The following CPA6 variants were observed in gnomAD, a reference collection of about 807,000 sequenced individuals.
CPA6 encodes carboxypeptidase B.
A neutral mutation model predicts 63.3 loss-of-function variants in CPA6; 58 were observed. The ratio of observed to expected loss-of-function variants is 0.92; its 90% CI spans 0.74 to 1.14. The LOEUF (loss-of-function observed/expected upper bound fraction) is 1.14. Among genes scored for constraint, CPA6 ranks in the 50% most tolerant of loss-of-function variants. The probability of loss-of-function intolerance (pLI) is 0.00; values close to 1 mark genes in which losing one functional copy is unlikely to be tolerated. For missense variants in CPA6, 565 were observed against 526.6 expected (o/e 1.07, Z -0.71); for synonymous variants, 185 against 179.0 (o/e 1.03, Z -0.27).
intron 2 of CPA6, among the ~76,000 whole-genome samples, chr8:67,580,931 A>G (rs1813754843): frequency 6.6e-6 from 1 of 152,176 alleles, no homozygotes; most frequent in African/African-American, 2.4e-5. Flanking sequence ...AGTAAGAACC[A>G]GATGCCAGGT....
chr8:67,734,045 ATT>A (rs60763583), intron 1 of CPA6, among the ~76,000 whole-genome samples: 20 of 147,428 alleles, frequency 1.4e-4, no homozygotes, highest in South Asian at 4.3e-4. Flanking sequence ...AGCAAACTTA[ATT>A]TTTTTTTTTT....
chr8:67,628,079 G>A (rs1472421107), intron 1 of CPA6, among the ~76,000 whole-genome samples: 2 of 152,068 alleles, frequency 1.3e-5, no homozygotes, highest in South Asian at 2.1e-4. Flanking sequence ...TGGGGGTGGT[G>A]GTGTGTGCCT....
intron 1 of CPA6, among the ~76,000 whole-genome samples, chr8:67,693,955 T>C (rs1816862765): frequency 6.6e-6 from 1 of 152,198 alleles, no homozygotes; most frequent in African/African-American, 2.4e-5. Context: ...GTGGAGCAGG[T>C]CAAGGTATCT....
At chr8:67,610,350 G>A (rs1291918184) in intron 2 of CPA6, among the ~76,000 whole-genome samples, 1 of 151,776 alleles carries the variant, frequency 6.6e-6, no homozygotes, top group Non-Finnish European at 1.5e-5. Flanking sequence ...TCCAGCTTGG[G>A]TGACAGGCCG....
chr8:67,571,110 A>T (rs913313355), intron 2 of CPA6, among the ~76,000 whole-genome samples: 2 of 152,224 alleles, frequency 1.3e-5, no homozygotes, highest in South Asian at 4.1e-4. Flanking sequence ...AGAAAGAATG[A>T]CATTCTATAA....
intron 1 of CPA6, among the ~76,000 whole-genome samples, chr8:67,736,565 ACT>A (rs1445233526): frequency 1.3e-5 from 2 of 151,428 alleles, no homozygotes; most frequent in African/African-American, 4.9e-5. Flanking sequence ...TGTGTTTCTT[ACT>A]CTGTTTCTAG....
intron 2 of CPA6, among the ~76,000 whole-genome samples, chr8:67,580,292 T>C (rs185083406): frequency 5.1e-4 from 78 of 152,318 alleles, no homozygotes; most frequent in African/African-American, 1.8e-3. Context: ...GAGGAAGTGG[T>C]ACGAGAGGGT....
chr8:67,497,763 C>T (rs1339016801), intron 6 of CPA6, among the ~76,000 whole-genome samples: 6 of 150,966 alleles, frequency 4.0e-5, no homozygotes. Flanking sequence ...GTGATCTCGG[C>T]TCACTGCAAC....
intron 2 of CPA6, among the ~76,000 whole-genome samples, chr8:67,589,084 C>T (rs1360241522): frequency 1.3e-5 from 2 of 151,070 alleles, no homozygotes; most frequent in Middle Eastern, 3.2e-3. Flanking sequence ...CACCACTGCA[C>T]TCCGGCATGG....
intron 9 of CPA6, among the ~76,000 whole-genome samples, chr8:67,432,671 G>T (rs1297630128): frequency 6.6e-6 from 1 of 152,108 alleles, no homozygotes; most frequent in Non-Finnish European, 1.5e-5. Context: ...ACCATGTTGT[G>T]CAGGCTGGTC....
chr8:67,482,151 C>T (rs1261568894), intron 8 of CPA6, among the ~76,000 whole-genome samples: 1 of 152,226 alleles, frequency 6.6e-6, no homozygotes, highest in African/African-American at 2.4e-5. Context: ...CAAGACCTTA[C>T]TTGCACCTGA....
In CPA6 at chr8:67,655,091, T is replaced by C. The variant is rs116794526; in HGVS notation, c.117-30840A>G. Reference sequence around the variant, plus strand: ...AGAGAATTATTTAATCTCTCAGACATGTAAAATGGTCTGGAGTGTTTCAAC... The same window carrying C: ...AGAGAATTATTTAATCTCTCAGACACGTAAAATGGTCTGGAGTGTTTCAAC... On this transcript the variant is annotated intron_variant, in intron 1 of 10. Coordinates refer to ENST00000297770, the MANE Select transcript of CPA6 (RefSeq NM_020361.5). Among the ~76,000 whole-genome samples the C allele has an allele frequency of 7.2e-3, 1,090 of 152,304 alleles. 11 individuals are homozygous for C. Among genetic ancestry groups the C allele is most frequent in the African/African-American group, 0.025 (1,029 of 41,574 alleles).
intron 1 of CPA6, among the ~76,000 whole-genome samples, chr8:67,729,699 G>A (rs867154144): frequency 3.3e-5 from 5 of 152,174 alleles, no homozygotes; most frequent in South Asian, 2.1e-4. Context: ...CAACAAAGAC[G>A]GGTATGCAAG....
At position 67,703,752 on chromosome 8, in the gene CPA6, C is replaced by T. The variant is rs565817469; in HGVS notation, c.116+42262G>A. Among the ~76,000 whole-genome samples the T allele has an allele frequency of 6.6e-5, 10 of 152,322 alleles. No individual in the cohort carries two copies. The South Asian group carries it at 1.9e-3, about 28-fold the overall frequency. On this transcript the variant is annotated intron_variant, in intron 1 of 10. Transcript: ENST00000297770. The stretch of plus-strand genomic sequence containing the variant: ...TCTTTCCCTGTCTCTTGGCTCATTG[C>T]TAGGATAAACACTAATCAGAACCCC...
chr8:67,453,827 C>T (rs1810611818), intron 8 of CPA6, among the ~76,000 whole-genome samples: 1 of 152,188 alleles, frequency 6.6e-6, no homozygotes, highest in Non-Finnish European at 1.5e-5. Context: ...TTGGGTCTAG[C>T]ATTTGACTAA....
intron 8 of CPA6, among the ~76,000 whole-genome samples, chr8:67,475,334 G>T (rs2128959712): frequency 6.6e-6 from 1 of 152,338 alleles, no homozygotes; most frequent in Non-Finnish European, 1.5e-5. Flanking sequence ...AATTCTAAGT[G>T]TGTTAATGTC....
chr8:67,457,984 CA>C (rs1810714308), intron 8 of CPA6, among the ~76,000 whole-genome samples: 1 of 152,186 alleles, frequency 6.6e-6, no homozygotes, highest in Non-Finnish European at 1.5e-5. Flanking sequence ...AGCTACTTGT[CA>C]GGCAATACAA....
chr8:67,446,566 C>T (rs1810421634), intron 8 of CPA6, among the ~76,000 whole-genome samples: 1 of 151,866 alleles, frequency 6.6e-6, no homozygotes, highest in African/African-American at 2.4e-5. Flanking sequence ...AACAGAAAAG[C>T]AGCAGAAATA....
rs78590238 is a variant in CPA6, at chr8:67,427,140, A to C, written c.1126+907T>G. On this transcript the variant is annotated intron_variant, in intron 10 of 10. Transcript: ENST00000297770. ...TTCCTCGAGGAGGGTTATTCTCACT[A>C]TAAGAAGGGTGAGAAAATAGCCCTT... Among the ~76,000 whole-genome samples the C allele has an allele frequency of 9.2e-3, 1,403 of 152,320 alleles. 15 individuals are homozygous for C. Among genetic ancestry groups the C allele is most frequent in the African/African-American group, 0.032 (1,321 of 41,562 alleles).
Sources: gnomAD v4.1 joint callset for allele counts (sites outside exome capture counted in the v4.1 genomes callset) on GRCh38, gnomAD v4.1.1 for gene constraint, MANE v1.5 for transcripts, NCBI Gene and HGNC (gene_info 2026-07-23, HGNC 2026-07-21) for gene names.